The following CAD variants were observed in gnomAD, a reference collection of about 807,000 sequenced individuals.
CAD encodes carbamoyl-phosphate synthetase 2, aspartate transcarbamylase, and dihydroorotase.
In CAD, 81 loss-of-function variants were observed where a neutral mutation model predicts 237.2. The ratio of observed to expected loss-of-function variants is 0.34; its 90% CI spans 0.29 to 0.41. The LOEUF is 0.41. Ranked by LOEUF, CAD falls within the 10% of genes least tolerant of loss-of-function variation. The pLI is 1.00. For synonymous variants in CAD, 1,196 were observed against 1,162.8 expected, an observed-to-expected ratio of 1.03 and a Z score of -0.58; for missense variants, 2,181 against 2,951.7, an observed-to-expected ratio of 0.74 and a Z score of 6.05.
chr2:27,232,894 C>A lies in CAD; in HGVS notation c.2893-148C>A, dbSNP rs190716287. The A allele has an allele frequency of 1.3e-6, 1 of 784,126 alleles. No individual in the cohort carries two copies. Among genetic ancestry groups the A allele is most frequent in the Non-Finnish European group, 2.1e-6 (1 of 471,754 alleles). The allele number at this position is 784,126 out of a possible 1,614,324, so 48.6% of individuals were successfully genotyped here. ...TCCCCAACACTTTGTACCTCCTTCC[C>A]TCCCAAGGCAGGGGTCCTGTACAGC... On this transcript the variant is annotated intron_variant, in intron 18 of 43. Coordinates refer to ENST00000264705, the MANE Select transcript of CAD (RefSeq NM_004341.5). The surrounding 1 kb of genome is among the most constrained non-coding windows in gnomAD (Gnocchi z 4.1).
intron 11 of CAD, 60 bp from the exon 12 acceptor site, chr2:27,225,645 A>G: frequency 8.0e-7 from 1 of 1,243,714 alleles, no homozygotes; most frequent in Non-Finnish European, 1.2e-6. Flanking sequence ...TTTATGTGGG[A>G]CAGGCACACC....
Position 27,224,829 on chromosome 2 carries a change from G to A in CAD, c.1339G>A (p.Ala447Thr). 1 of 1,614,152 alleles carries A rather than the reference G, an allele frequency of 6.2e-7. No individual in the cohort carries two copies. The highest frequency in any genetic ancestry group is 1.1e-5 in the South Asian group (1 of 91,082). ...CACAGTGCAGACCTCCCAGGGGCTG[G>A]CCGACAAGGTCTATTTTCTTCCCAT... The part of the protein sequence containing the change: ...IATVQTSQGL[A>T]DKVYFLPITP... The change falls in exon 10 of 44, where the codon GCC becomes ACC. Residue 447 changes from alanine (A) to threonine (T), a missense_variant. Ala to Thr is a moderately conservative substitution (Grantham distance 58). Transcript: ENST00000264705.
In CAD at chr2:27,236,228, A is replaced by G; in HGVS notation, c.4075-56A>G. ...GGGCCAGCTCCTCTCCCTTAAGGCTAGCCTTCCTGACCGCTGCCAGACAGC... is the reference window on the plus strand; with the variant it reads ...GGGCCAGCTCCTCTCCCTTAAGGCTGGCCTTCCTGACCGCTGCCAGACAGC... On this transcript the variant is annotated intron_variant, in intron 25 of 43. Coordinates refer to ENST00000264705, the MANE Select transcript of CAD (RefSeq NM_004341.5). The surrounding 1 kb of genome is among the most constrained non-coding windows in gnomAD (Gnocchi z 4.1). The G allele has an allele frequency of 6.3e-7, 1 of 1,595,050 alleles. No homozygotes were observed. Among genetic ancestry groups the G allele is most frequent in the Non-Finnish European group, 8.6e-7 (1 of 1,169,200 alleles).
At chr2:27,229,276 CTT>C (rs34961252) in intron 15 of CAD, among the ~76,000 whole-genome samples, 1 of 148,794 alleles carries the variant, frequency 6.7e-6, no homozygotes, top group Admixed American at 6.7e-5. Context: ...ATTATGAAAA[CTT>C]TTTTTTTTAA....
rs185636734 is a variant in CAD, at chr2:27,221,242, G to A, written c.247G>A (p.Val83Ile). The A allele has an allele frequency of 1.5e-5, 24 of 1,567,814 alleles. No homozygotes were observed. In the Admixed American group the frequency reaches 2.5e-4, roughly 16 times the overall value. ...CKWFESSGIH[V>I]AALVVGECCP... ...GTGGTTTGAATCCTCGGGCATCCAC[G>A]TAGCAGCACTGGTAGTGGGAGAGTG... Residue 83 changes from valine (V) to isoleucine (I), a missense_variant, in exon 3 of 44, where the codon GTA becomes ATA. Physicochemically the swap from Val to Ile is conservative, Grantham distance 29. Transcript: ENST00000264705.
chr2:27,238,472 G>A lies in CAD; in HGVS notation c.4902G>A (p.Val1634=), dbSNP rs145720393. Residue 1634 remains valine (V), a synonymous_variant, in exon 31 of 44, where the codon GTG becomes GTA. Transcript: ENST00000264705. ...IKAAKARGLP[V]TCEVAPHHLF... is the part of the protein sequence containing the mutation. Reference sequence around the variant, plus strand: ...CTGCAAAGGCACGGGGCTTGCCAGTGACCTGCGAGGTGGCTCCCCACCACC... The same window carrying A: ...CTGCAAAGGCACGGGGCTTGCCAGTAACCTGCGAGGTGGCTCCCCACCACC... 1.1e-3 allele frequency: 1,798 copies of A among 1,605,026 alleles called. 15 individuals are homozygous for A. The African/African-American group carries it at 0.02, about 18-fold the overall frequency.
chr2:27,226,063 C>T (rs1240831728), intron 12 of CAD, 68 bp from the exon 13 acceptor site: 1 of 1,530,740 alleles, frequency 6.5e-7, no homozygotes, highest in African/African-American at 1.4e-5. Context: ...TAACAGGACC[C>T]TGGGGTGCAG....
At chr2:27,225,665 A>G (rs750591951) in intron 11 of CAD, 40 bp from the exon 12 acceptor site, 3 of 1,443,362 alleles carry the variant, frequency 2.1e-6, no homozygotes, top group South Asian at 2.3e-5. Flanking sequence ...CTTGGACAGT[A>G]GGAAATAACC....
chr2:27,242,298 C>A lies in CAD; in HGVS notation c.6097-4C>A, dbSNP rs373180290. On this transcript the variant is annotated splice_polypyrimidine_tract_variant and splice_region_variant and intron_variant, in intron 39 of 43. Transcript: ENST00000264705. This position sits in a 1 kb window ranked among gnomAD's most constrained non-coding sequence, Gnocchi z 6.4. ...AAAAGACAGGATTTTCCCCTTTTTT[C>A]CAGCTGGCCGCCAAGCACTGCCGGA... 2.4e-4 allele frequency: 379 copies of A among 1,601,570 alleles called. No homozygotes were observed. The highest frequency in any genetic ancestry group is 3.1e-4 in the Non-Finnish European group (367 of 1,172,650).
intron 15 of CAD, among the ~76,000 whole-genome samples, chr2:27,230,540 CTCTTG>C (rs1204796455): frequency 6.6e-6 from 1 of 152,002 alleles, no homozygotes; most frequent in East Asian, 1.9e-4. Context: ...GCAGGAGAAT[CTCTTG>C]AACCCAGGAA....
rs1482265246 is a variant in CAD, at chr2:27,242,847, C to T, written c.6379-25C>T. ...GGCAGTCAGAGCCCAGCGCTGCATC[C>T]ACCATGGCTCTCCTCACCCTCCAGG... is the stretch of plus-strand genomic sequence containing the variant. On this transcript the variant is annotated intron_variant, in intron 41 of 43. Transcript: ENST00000264705. The surrounding 1 kb of genome is among the most constrained non-coding windows in gnomAD (Gnocchi z 6.4). 4 of 1,613,342 alleles carry T rather than the reference C, an allele frequency of 2.5e-6. No individual in the cohort carries two copies. Among genetic ancestry groups the T allele is most frequent in the East Asian group, 4.5e-5 (2 of 44,876 alleles).
rs1676239561 is a variant in CAD, at chr2:27,240,213, C to T, written c.5497-52C>T. ...CAGCCTGAGCGACAGAACGAGACTC[C>T]GTCTCAAAAGAAAAAAAAAAAAACA... is the stretch of plus-strand genomic sequence containing the variant. On this transcript the variant is annotated intron_variant, in intron 34 of 43. Coordinates refer to ENST00000264705, the MANE Select transcript of CAD (RefSeq NM_004341.5). The surrounding 1 kb of genome is among the most constrained non-coding windows in gnomAD (Gnocchi z 4.6). 11 of 1,429,394 alleles carry T rather than the reference C, an allele frequency of 7.7e-6. 1 individual carries two copies. The highest frequency in any genetic ancestry group is 1.8e-4 in the Middle Eastern group (1 of 5,558). 88.5% of individuals were successfully genotyped at this position (1,429,394 alleles called of 1,614,324 possible).
At position 27,223,574 on chromosome 2, in the gene CAD, G is replaced by A. The variant is rs1476008965; in HGVS notation, c.821G>A (p.Arg274Gln). 2 of 1,612,618 alleles carry A rather than the reference G, an allele frequency of 1.2e-6. No individual in the cohort carries two copies. The highest frequency in any genetic ancestry group is 2.2e-5 in the East Asian group (1 of 44,886). ...GCTTCTACCTCCAGATATGGGAACC[G>A]AGGCCATAACCAGCCCTGCTTGTTG... ...AKTYKMRYGN[R>Q]GHNQPCLLVG... Residue 274 changes from arginine to glutamine, a missense_variant, in exon 7 of 44, where the codon CGA becomes CAA. Transcript: ENST00000264705.
Position 27,232,173 on chromosome 2 carries a change from A to T in CAD, c.2594A>T (p.Gln865Leu). Residue 865 changes from glutamine to leucine, a missense_variant, in exon 17 of 44, where the codon CAG (glutamine) becomes CTG (leucine). Gln to Leu is a moderately radical substitution (Grantham distance 113). Coordinates refer to ENST00000264705, the MANE Select transcript of CAD (RefSeq NM_004341.5). The surrounding 1 kb of genome is among the most constrained non-coding windows in gnomAD (Gnocchi z 4.1). ...CCTTTGCCGCCAGACCTGCTGCAAC[A>T]GGCCAAGTGTCTTGGCTTCTCAGAC... is the stretch of plus-strand genomic sequence containing the variant. The part of the protein sequence containing the change: ...GQPLPPDLLQ[Q>L]AKCLGFSDKQ... 6.2e-7 allele frequency: 1 copy of T among 1,614,248 alleles called. No homozygotes were observed. The highest frequency in any genetic ancestry group is 8.5e-7 in the Non-Finnish European group (1 of 1,180,038).
At position 27,232,116 on chromosome 2, in the gene CAD, A is replaced by G. The variant is rs1036876891; in HGVS notation, c.2537A>G (p.His846Arg). 5.6e-6 allele frequency: 9 copies of G among 1,614,110 alleles called. No individual in the cohort carries two copies. The highest frequency in any genetic ancestry group is 2.7e-5 in the African/African-American group (2 of 74,940). Residue 846 changes from histidine to arginine, a missense_variant, in exon 17 of 44, where the codon CAT (histidine) becomes CGT (arginine). This residue lies in a region of CAD where 385 missense variants were observed against 535.1 expected (regional missense o/e 0.72). Transcript: ENST00000264705. This position sits in a 1 kb window ranked among gnomAD's most constrained non-coding sequence, Gnocchi z 4.1. ...CACCGAATGAAGCGTATCATCGCAC[A>G]TGCCCAGCTGCTAGAACAACACCGT... Reference protein sequence around the residue: ...FLHRMKRIIAHAQLLEQHRGQ... With the variant: ...FLHRMKRIIARAQLLEQHRGQ...
rs1558524730 is a variant in CAD, at chr2:27,218,166, C to T, written c.222+150C>T. On this transcript the variant is annotated intron_variant, in intron 2 of 43. Transcript: ENST00000264705. The stretch of plus-strand genomic sequence containing the variant: ...AGTCAAGGACTAAGATCACTAGTAA[C>T]TGTAGTTAGGGGTTGTTAAGTGCCT... 9 of 669,034 alleles carry T rather than the reference C, an allele frequency of 1.3e-5. No homozygotes were observed. The East Asian group carries it at 2.9e-4, about 21-fold the overall frequency. The allele number at this position is 669,034 out of a possible 1,614,324, so 41.4% of individuals were successfully genotyped here.
intron 22 of CAD, 66 bp downstream of exon 22, chr2:27,234,292 C>T (rs1175451820): frequency 6.9e-7 from 1 of 1,445,604 alleles, no homozygotes; most frequent in Non-Finnish European, 9.7e-7. Context: ...GGCCACAGTG[C>T]CATGAAGCCC....
In CAD at chr2:27,240,635, G is replaced by A. The variant is rs765812729; in HGVS notation, c.5593+274G>A. ...AGCGTGGGGTAAATCCAGGTTGTTG[G>A]TTGGTGTGAGTCTGGCCGTTCCTCT... On this transcript the variant is annotated intron_variant, in intron 35 of 43. Coordinates refer to ENST00000264705, the MANE Select transcript of CAD (RefSeq NM_004341.5). The surrounding 1 kb of genome is among the most constrained non-coding windows in gnomAD (Gnocchi z 4.6). 5.2e-6 allele frequency: 8 copies of A among 1,543,482 alleles called. No individual in the cohort carries two copies. The highest frequency in any genetic ancestry group is 7.0e-6 in the Non-Finnish European group (8 of 1,142,852).
chr2:27,221,846 C>A (rs1479884322), intron 3 of CAD, among the ~76,000 whole-genome samples: 1 of 124,132 alleles, frequency 8.1e-6, no homozygotes, highest in Non-Finnish European at 1.6e-5. Flanking sequence ...GTCTCTTAAT[C>A]TGTGGACCTT....
Sources: allele counts gnomAD v4.1 joint callset (sites outside exome capture counted in the v4.1 genomes callset), GRCh38; gene constraint gnomAD v4.1.1; regional missense constraint gnomAD v4.1.1; non-coding constraint Gnocchi (gnomAD v3.1); transcripts MANE v1.5; gene names NCBI Gene and HGNC (gene_info 2026-07-23, HGNC 2026-07-21).